Variants in RABGAP1 observed in about 807,000 individuals in gnomAD.
RABGAP1 encodes the protein rab GTPase-activating protein 1.
A neutral mutation model predicts 137.6 loss-of-function variants in RABGAP1; 23 were observed. The observed-to-expected ratio is 0.17, with a 90% confidence interval of 0.12 to 0.24. The LOEUF (loss-of-function observed/expected upper bound fraction) is 0.24. Ranked by LOEUF, RABGAP1 falls within the 10% of genes least tolerant of loss-of-function variation. The probability of loss-of-function intolerance (pLI) is 1.00; values close to 1 mark genes in which losing one functional copy is unlikely to be tolerated. For missense variants in RABGAP1, 906 were observed against 1,275.8 expected (o/e 0.71, Z 4.42); for synonymous variants, 451 against 450.7 (o/e 1.00, Z -0.01).
chr9:123,056,900 C>A (rs979732042), intron 13 of RABGAP1, among the ~76,000 whole-genome samples: 2 of 152,264 alleles, frequency 1.3e-5, no homozygotes, highest in East Asian at 3.8e-4. Context: ...CAGCAACCAT[C>A]CGATTTCTCA....
chr9:123,089,999 T>A, intron 20 of RABGAP1, 149 bp downstream of exon 20: 1 of 782,914 alleles, frequency 1.3e-6, no homozygotes, highest in Non-Finnish European at 2.0e-6. Flanking sequence ...CAAGATCTGT[T>A]TTTGCTTCAA....
At chr9:123,029,329 TACTTAATAAAGTTTTA>T in intron 13 of RABGAP1, 5 of 710,196 alleles carry the variant, frequency 7.0e-6, no homozygotes, top group Non-Finnish European at 7.4e-6. Context: ...TTTTTTTTTT[TACTTAATAAAGTTTTA>T]TTTTTCCAAA....
At chr9:122,986,920 G>C (rs1056529456) in intron 4 of RABGAP1, among the ~76,000 whole-genome samples, 1 of 151,986 alleles carries the variant, frequency 6.6e-6, no homozygotes, top group African/African-American at 2.4e-5. Flanking sequence ...TTAAGTTCAG[G>C]GGTTCGAGAC....
At chr9:123,025,183 C>T (rs2031882387) in intron 13 of RABGAP1, among the ~76,000 whole-genome samples, 1 of 152,170 alleles carries the variant, frequency 6.6e-6, no homozygotes, top group Non-Finnish European at 1.5e-5. Context: ...AGTAGAACTA[C>T]CATCTTTGTC....
At chr9:122,950,426 A>AAC (rs1216234030) in intron 1 of RABGAP1, among the ~76,000 whole-genome samples, 1 of 98,220 alleles carries the variant, frequency 1.0e-5, no homozygotes, top group Non-Finnish European at 1.8e-5. Flanking sequence ...TGTGGCTGTT[A>AAC]ACCAGGATAG....
At position 122,996,063 on chromosome 9, in the gene RABGAP1, A is replaced by C; in HGVS notation, c.946A>C (p.Arg316=). ...CAGTGCAGTTCCCAAAGATAAGGACAGACAGTGCTTTAAACTACGCCAAGG... is the reference window on the plus strand; with the variant it reads ...CAGTGCAGTTCCCAAAGATAAGGACCGACAGTGCTTTAAACTACGCCAAGG... ...YFSAVPKDKD[R]QCFKLRQGID... The change falls in exon 7 of 26, where the codon AGA becomes CGA. Residue 316 remains arginine (R), a synonymous_variant. Transcript: ENST00000373647. The C allele has an allele frequency of 6.2e-7, 1 of 1,612,066 alleles. No homozygotes were observed. Among genetic ancestry groups the C allele is most frequent in the Non-Finnish European group, 8.5e-7 (1 of 1,179,452 alleles).
At chr9:123,018,313 AATATT>A (rs2031384765) in intron 12 of RABGAP1, among the ~76,000 whole-genome samples, 1 of 152,242 alleles carries the variant, frequency 6.6e-6, no homozygotes. Context: ...GGATAAAGTT[AATATT>A]ATCAATGAGA....
chr9:123,016,167 ACAGC>A (rs1228172989), intron 12 of RABGAP1, among the ~76,000 whole-genome samples: 1 of 152,222 alleles, frequency 6.6e-6, no homozygotes, highest in East Asian at 1.9e-4. Flanking sequence ...AGATGGTTTG[ACAGC>A]AGTGTTAAGA....
chr9:123,086,001 A>C (rs1327952926), intron 19 of RABGAP1, among the ~76,000 whole-genome samples: 1 of 152,256 alleles, frequency 6.6e-6, no homozygotes, highest in Non-Finnish European at 1.5e-5. Context: ...ATACAATAGT[A>C]AGCATAACAG....
intron 14 of RABGAP1, among the ~76,000 whole-genome samples, chr9:123,069,687 C>G (rs555908162): frequency 6.6e-6 from 1 of 151,986 alleles, no homozygotes; most frequent in Non-Finnish European, 1.5e-5. Flanking sequence ...TAGAGACCAG[C>G]CTGGGCAACG....
intron 1 of RABGAP1, among the ~76,000 whole-genome samples, chr9:122,941,744 A>G (rs1833580828): frequency 6.6e-6 from 1 of 152,232 alleles, no homozygotes; most frequent in Admixed American, 6.5e-5. Context: ...TTAGGGTTTT[A>G]CGTGTTGAGC....
chr9:122,948,042 AACACACACACAC>A (rs55683114), intron 1 of RABGAP1, among the ~76,000 whole-genome samples: 86,702 of 145,972 alleles, frequency 0.59, 31,061 homozygotes, highest in Non-Finnish European at 0.8. Flanking sequence ...GAGCCAGGAA[AACACACACACAC>A]ACACACACAC....
At chr9:123,076,598 C>T in intron 18 of RABGAP1, 36 bp from the exon 19 acceptor site, 2 of 1,562,610 alleles carry the variant, frequency 1.3e-6, no homozygotes, top group South Asian at 2.4e-5. Flanking sequence ...CTTATAGCAA[C>T]ACATTTTTTC....
At chr9:123,053,350 A>G (rs2033567164) in intron 13 of RABGAP1, among the ~76,000 whole-genome samples, 2 of 152,240 alleles carry the variant, frequency 1.3e-5, no homozygotes, top group Non-Finnish European at 2.9e-5. Flanking sequence ...AACATATGAA[A>G]TGAAATGACA....
In RABGAP1 at chr9:122,984,638, G is replaced by A. The variant is rs370842552; in HGVS notation, c.304G>A (p.Ala102Thr). 3.5e-5 allele frequency: 56 copies of A among 1,614,034 alleles called. No homozygotes were observed. Among genetic ancestry groups the A allele is most frequent in the Non-Finnish European group, 4.3e-5 (51 of 1,180,032 alleles). Reference sequence around the variant, plus strand: ...TGGGCCTCTTTCTAATCAGCTCTCCGCTTCATCCACCATTAACCCTGTGCC... The same window carrying A: ...TGGGCCTCTTTCTAATCAGCTCTCCACTTCATCCACCATTAACCCTGTGCC... ...GDGPLSNQLS[A>T]SSTINPVPLV... The change falls in exon 3 of 26, where the codon GCT becomes ACT. Residue 102 changes from alanine to threonine, a missense_variant. Physicochemically the swap from Ala to Thr is moderately conservative, Grantham distance 58. Coordinates refer to ENST00000373647, the MANE Select transcript of RABGAP1 (RefSeq NM_012197.4).
intron 10 of RABGAP1, 31 bp from the exon 11 acceptor site, chr9:123,010,323 G>A: frequency 1.3e-6 from 2 of 1,558,656 alleles, no homozygotes; most frequent in South Asian, 1.2e-5. Context: ...GAACTTTACT[G>A]CTTAATAAAT....
At chr9:123,013,986 A>G (rs2031024774) in intron 11 of RABGAP1, among the ~76,000 whole-genome samples, 1 of 152,254 alleles carries the variant, frequency 6.6e-6, no homozygotes, top group South Asian at 2.1e-4. Flanking sequence ...GTAAATTGGT[A>G]GAACATTTTG....
At chr9:122,992,544 G>T (rs1000364424) in intron 6 of RABGAP1, among the ~76,000 whole-genome samples, 7 of 151,934 alleles carry the variant, frequency 4.6e-5, no homozygotes, top group African/African-American at 1.7e-4. Context: ...TGGATGGTCA[G>T]ATTTGCTTTT....
chr9:122,983,096 G>A (rs1836169324), intron 2 of RABGAP1, among the ~76,000 whole-genome samples: 1 of 151,548 alleles, frequency 6.6e-6, no homozygotes. Context: ...TCGAACTCCT[G>A]AGGTCAAGCA....
Sources: gnomAD v4.1 joint callset for allele counts (sites outside exome capture counted in the v4.1 genomes callset) on GRCh38, gnomAD v4.1.1 for gene constraint, MANE v1.5 for transcripts, NCBI Gene and HGNC (gene_info 2026-07-23, HGNC 2026-07-21) for gene names.